FMNL2: variants seen among roughly 807,000 people sequenced by gnomAD.
FMNL2 encodes formin-like protein 2.
Under a neutral mutation model 130.2 loss-of-function variants are expected in FMNL2, and 51 were observed. The ratio of observed to expected loss-of-function variants is 0.39; its 90% CI spans 0.31 to 0.49. The LOEUF is 0.49. FMNL2 is among the 20% of genes least tolerant of loss of function. The probability of loss-of-function intolerance (pLI) is 0.85; values close to 1 mark genes in which losing one functional copy is unlikely to be tolerated. For missense variants in FMNL2, 977 were observed against 1,316.2 expected (o/e 0.74, Z 3.99); for synonymous variants, 465 against 467.1 (o/e 1.00, Z 0.06).
chr2:152,336,473 C>T (rs1186646063), intron 1 of FMNL2, among the ~76,000 whole-genome samples: 2 of 152,050 alleles, frequency 1.3e-5, no homozygotes, highest in Non-Finnish European at 2.9e-5. Flanking sequence ...CCCTCCCCTC[C>T]TCTTGCACGC....
chr2:152,532,828 A>G (rs530339356), intron 2 of FMNL2, among the ~76,000 whole-genome samples: 20 of 152,066 alleles, frequency 1.3e-4, no homozygotes, highest in African/African-American at 4.8e-4. Context: ...GGCTGGTCTC[A>G]AACTCCTGAC....
At chr2:152,643,392 G>A in intron 25 of FMNL2, 1 of 1,535,690 alleles carries the variant, frequency 6.5e-7, no homozygotes, top group Non-Finnish European at 8.7e-7. Context: ...TTCTGTTTGT[G>A]TTGTTTGGCT....
chr2:152,348,515 T>C (rs754166830), intron 1 of FMNL2, among the ~76,000 whole-genome samples: 4 of 152,202 alleles, frequency 2.6e-5, no homozygotes, highest in Non-Finnish European at 4.4e-5. Flanking sequence ...CTAGGCTGAC[T>C]ATTAATTGCA....
intron 2 of FMNL2, among the ~76,000 whole-genome samples, chr2:152,525,937 C>G (rs1558937764): frequency 6.6e-6 from 1 of 152,090 alleles, no homozygotes; most frequent in Non-Finnish European, 1.5e-5. Context: ...TTTTTAAACC[C>G]TTTACTTGTG....
intron 1 of FMNL2, among the ~76,000 whole-genome samples, chr2:152,348,273 G>A (rs932248696): frequency 2.1e-4 from 32 of 152,174 alleles, no homozygotes; most frequent in African/African-American, 7.7e-4. Context: ...TAGCTTTGTA[G>A]TTGCTCATTA....
chr2:152,608,226 C>A (rs1397496961), intron 10 of FMNL2, among the ~76,000 whole-genome samples: 2 of 152,078 alleles, frequency 1.3e-5, no homozygotes, highest in Non-Finnish European at 2.9e-5. Flanking sequence ...TCACTTCTAA[C>A]CTGAAGCAGA....
intron 1 of FMNL2, among the ~76,000 whole-genome samples, chr2:152,404,897 T>C (rs1341698948): frequency 6.6e-6 from 1 of 152,160 alleles, no homozygotes; most frequent in Non-Finnish European, 1.5e-5. Flanking sequence ...TACAAGTTGA[T>C]TTTTGTCTTA....
intron 9 of FMNL2, among the ~76,000 whole-genome samples, chr2:152,587,219 G>A (rs913398820): frequency 6.6e-6 from 1 of 152,206 alleles, no homozygotes; most frequent in African/African-American, 2.4e-5. Flanking sequence ...CTTAGAAGCC[G>A]TGTAGTGGTC....
intron 2 of FMNL2, chr2:152,539,065 C>T (rs1179990598): frequency 6.6e-6 from 1 of 152,078 alleles, no homozygotes; most frequent in African/African-American, 2.4e-5. Flanking sequence ...CTTCATATCC[C>T]ATGTTATTTT....
chr2:152,420,932 T>G (rs1686882213), intron 1 of FMNL2, among the ~76,000 whole-genome samples: 1 of 152,188 alleles, frequency 6.6e-6, no homozygotes, highest in Non-Finnish European at 1.5e-5. Context: ...CGGACTCAGA[T>G]TTGCCTGTTA....
intron 1 of FMNL2, among the ~76,000 whole-genome samples, chr2:152,512,150 T>C (rs1692526931): frequency 6.6e-6 from 1 of 152,132 alleles, no homozygotes. Context: ...AGCACACAAA[T>C]GTGTGGATTC....
intron 6 of FMNL2, among the ~76,000 whole-genome samples, chr2:152,568,217 G>GTTTTTTTTTTT (rs1558970322): frequency 7.8e-6 from 1 of 127,508 alleles, no homozygotes; most frequent in African/African-American, 3.6e-5. Flanking sequence ...CATTTTGGTG[G>GTTTTTTTTTTT]GTTTTTTTTT....
At position 152,433,813 on chromosome 2, in the gene FMNL2, A is replaced by G. The variant is rs533904291; in HGVS notation, c.118-88130A>G. On this transcript the variant is annotated intron_variant, in intron 1 of 25. Transcript: ENST00000288670. ...ACTGATTTCTTCTAGTTCTTCCCCC[A>G]TAATTGGCCCCAACCTTCTAAAGAA... Among the ~76,000 whole-genome samples, 13 of 152,288 alleles carry G rather than the reference A, an allele frequency of 8.5e-5. No individual in the cohort carries two copies. The East Asian group carries it at 1.2e-3, about 14-fold the overall frequency.
At chr2:152,424,829 G>A (rs1687115173) in intron 1 of FMNL2, among the ~76,000 whole-genome samples, 1 of 152,204 alleles carries the variant, frequency 6.6e-6, no homozygotes, top group Non-Finnish European at 1.5e-5. Flanking sequence ...TATGTGGAAT[G>A]CAGGGTATTC....
At chr2:152,643,699 T>C (rs965514685) in intron 25 of FMNL2, 11 of 985,376 alleles carry the variant, frequency 1.1e-5, no homozygotes, top group Non-Finnish European at 1.3e-5. Context: ...GCTCACTCAC[T>C]GGCCACTTTC....
intron 6 of FMNL2, 23 bp downstream of exon 6, chr2:152,561,058 C>T (rs1360101776): frequency 6.4e-7 from 1 of 1,566,192 alleles, no homozygotes; most frequent in Non-Finnish European, 8.7e-7. Context: ...AATCAGGAGG[C>T]AACTTTGGCA....
At chr2:152,339,747 C>A (rs1254367808) in intron 1 of FMNL2, among the ~76,000 whole-genome samples, 4 of 151,950 alleles carry the variant, frequency 2.6e-5, no homozygotes, top group Non-Finnish European at 5.9e-5. Context: ...TTCTGCATGT[C>A]CTGAGATTGA....
chr2:152,646,392 A>G (rs1683568597), intron 25 of FMNL2, among the ~76,000 whole-genome samples: 1 of 152,124 alleles, frequency 6.6e-6, no homozygotes, highest in Non-Finnish European at 1.5e-5. Context: ...CAATGAGTCA[A>G]GGAGCCAGGA....
At chr2:152,447,680 T>C (rs544696371) in intron 1 of FMNL2, among the ~76,000 whole-genome samples, 3 of 152,270 alleles carry the variant, frequency 2.0e-5, no homozygotes, top group African/African-American at 7.2e-5. Flanking sequence ...CCTAGTGCAA[T>C]CCCTACCTCC....
Sources: gnomAD v4.1 joint callset for allele counts (sites outside exome capture counted in the v4.1 genomes callset) on GRCh38, gnomAD v4.1.1 for gene constraint, MANE v1.5 for transcripts, NCBI Gene and HGNC (gene_info 2026-07-23, HGNC 2026-07-21) for gene names.